The following PPM1L variants were observed in gnomAD, a reference collection of about 807,000 sequenced individuals.
PPM1L encodes the protein protein phosphatase 1L.
Under a neutral mutation model 31.4 loss-of-function variants are expected in PPM1L, and 13 were observed. The observed-to-expected ratio is 0.41, with a 90% confidence interval of 0.27 to 0.66. The LOEUF (loss-of-function observed/expected upper bound fraction) is 0.66, where lower values mean the gene tolerates loss of function less well. Among genes scored for constraint, PPM1L ranks in the 30% least tolerant of loss-of-function variants. The pLI is 0.29. For missense variants in PPM1L, 326 were observed against 453.7 expected (o/e 0.72, Z 2.56); for synonymous variants, 184 against 175.4 (o/e 1.05, Z -0.39).
rs553372818 is a variant in PPM1L, at chr3:161,059,444, A to C, written c.575-5959A>C. On this transcript the variant is annotated intron_variant, in intron 2 of 3. Transcript: ENST00000498165. ...TAGCTCTTTTTATGGCAATAGCTGG[A>C]CAATGGTGTTGTCCATTGTGTACTG... 2.0e-5 allele frequency among the ~76,000 whole-genome samples: 3 copies of C among 152,290 alleles called. No homozygotes were observed. The East Asian group carries it at 5.8e-4, about 29-fold the overall frequency.
At chr3:160,803,360 A>G (rs1198482503) in intron 1 of PPM1L, among the ~76,000 whole-genome samples, 2 of 152,166 alleles carry the variant, frequency 1.3e-5, no homozygotes, top group African/African-American at 4.8e-5. Flanking sequence ...GAAATGTCAT[A>G]TTTTAGAGAG....
intron 2 of PPM1L, among the ~76,000 whole-genome samples, chr3:161,055,662 G>GGC (rs1472212514): frequency 6.6e-6 from 1 of 151,900 alleles, no homozygotes; most frequent in Non-Finnish European, 1.5e-5. Context: ...TTTGGCTGTT[G>GGC]TAACACCTTC....
chr3:160,942,157 C>G (rs1271540008), intron 1 of PPM1L, among the ~76,000 whole-genome samples: 3 of 152,226 alleles, frequency 2.0e-5, no homozygotes, highest in Non-Finnish European at 4.4e-5. Flanking sequence ...AAGATTATTA[C>G]TGCTCATTAA....
intron 2 of PPM1L, among the ~76,000 whole-genome samples, chr3:161,055,943 A>C (rs1029771554): frequency 6.6e-6 from 1 of 152,144 alleles, no homozygotes; most frequent in African/African-American, 2.4e-5. Context: ...TTAATTCCAC[A>C]CAACTTTCTC....
At chr3:161,021,984 T>C (rs1718246652) in intron 2 of PPM1L, among the ~76,000 whole-genome samples, 1 of 152,092 alleles carries the variant, frequency 6.6e-6, no homozygotes, top group South Asian at 2.1e-4. Context: ...GAATTTTTAA[T>C]TCATTTATGT....
At chr3:160,809,013 T>C (rs993361635) in intron 1 of PPM1L, among the ~76,000 whole-genome samples, 20 of 152,180 alleles carry the variant, frequency 1.3e-4, no homozygotes, top group African/African-American at 4.6e-4. Context: ...CACAGAAGGG[T>C]GCGTGCACTG....
chr3:160,831,491 T>G (rs1040640739), intron 1 of PPM1L, among the ~76,000 whole-genome samples: 1 of 152,228 alleles, frequency 6.6e-6, no homozygotes, highest in African/African-American at 2.4e-5. Context: ...CAAATATTAT[T>G]CCAAGTTAAT....
At chr3:160,783,615 GAAAA>G (rs1210825453) in intron 1 of PPM1L, among the ~76,000 whole-genome samples, 2 of 139,734 alleles carry the variant, frequency 1.4e-5, no homozygotes, top group African/African-American at 2.9e-5. Context: ...AAAAAAAAAA[GAAAA>G]AGAAAGAAAG....
At chr3:160,853,751 A>G (rs1711594434) in intron 1 of PPM1L, among the ~76,000 whole-genome samples, 1 of 152,186 alleles carries the variant, frequency 6.6e-6, no homozygotes, top group African/African-American at 2.4e-5. Context: ...TATAAGGTGT[A>G]TACATTATGA....
intron 1 of PPM1L, among the ~76,000 whole-genome samples, chr3:160,846,244 CT>C (rs1224744705): frequency 6.6e-6 from 1 of 151,964 alleles, no homozygotes; most frequent in South Asian, 2.1e-4. Flanking sequence ...TCATTCATGG[CT>C]TTTATTAGGT....
At chr3:160,805,468 T>C (rs1712568450) in intron 1 of PPM1L, among the ~76,000 whole-genome samples, 1 of 152,204 alleles carries the variant, frequency 6.6e-6, no homozygotes, top group African/African-American at 2.4e-5. Flanking sequence ...ATGCCTGTAA[T>C]CCCAGGACTT....
chr3:160,773,467 TA>T (rs1560103432), intron 1 of PPM1L, among the ~76,000 whole-genome samples: 1 of 152,098 alleles, frequency 6.6e-6, no homozygotes, highest in African/African-American at 2.4e-5. Flanking sequence ...AGCCTAGAAA[TA>T]AGTATGGAGA....
intron 1 of PPM1L, among the ~76,000 whole-genome samples, chr3:160,877,252 A>G (rs1353908444): frequency 6.6e-6 from 1 of 152,226 alleles, no homozygotes; most frequent in Non-Finnish European, 1.5e-5. Context: ...GATTTCCTGC[A>G]GAGAACCAGG....
intron 1 of PPM1L, among the ~76,000 whole-genome samples, chr3:160,922,135 C>T (rs140813006): frequency 0.085 from 12,880 of 151,982 alleles, 735 homozygotes; most frequent in African/African-American, 0.15. Flanking sequence ...ACGGTGAAAC[C>T]CCATCTCTGC....
intron 1 of PPM1L, among the ~76,000 whole-genome samples, chr3:160,869,080 G>A (rs924330984): frequency 6.6e-6 from 1 of 152,188 alleles, no homozygotes; most frequent in Non-Finnish European, 1.5e-5. Flanking sequence ...CTGAGAATTT[G>A]TTTAATTACT....
chr3:160,892,827 TATC>T (rs1331166874), intron 1 of PPM1L, among the ~76,000 whole-genome samples: 1 of 152,206 alleles, frequency 6.6e-6, no homozygotes, highest in Non-Finnish European at 1.5e-5. Flanking sequence ...TACTACTTGT[TATC>T]ATCTCTAGAT....
At chr3:160,840,418 A>G (rs1713837107) in intron 1 of PPM1L, among the ~76,000 whole-genome samples, 2 of 152,170 alleles carry the variant, frequency 1.3e-5, no homozygotes, top group Non-Finnish European at 2.9e-5. Flanking sequence ...CAGAACCAAT[A>G]GGATGTAGAT....
intron 1 of PPM1L, among the ~76,000 whole-genome samples, chr3:160,881,198 A>G (rs1029937804): frequency 6.6e-6 from 1 of 152,210 alleles, no homozygotes; most frequent in Non-Finnish European, 1.5e-5. Flanking sequence ...GATTTTAACT[A>G]CGGGGCTTGG....
chr3:160,869,947 C>G (rs1712243232), intron 1 of PPM1L, among the ~76,000 whole-genome samples: 1 of 152,186 alleles, frequency 6.6e-6, no homozygotes, highest in Non-Finnish European at 1.5e-5. Context: ...TTGCTAGAAT[C>G]ACGTGCTGCC....
Sources: allele counts gnomAD v4.1 joint callset (sites outside exome capture counted in the v4.1 genomes callset), GRCh38; gene constraint gnomAD v4.1.1; transcripts MANE v1.5; gene names NCBI Gene and HGNC (gene_info 2026-07-23, HGNC 2026-07-21).